The following SBNO2 variants were observed in gnomAD, a reference collection of about 807,000 sequenced individuals.
SBNO2 encodes protein strawberry notch homolog 2.
Under a neutral mutation model 146.3 loss-of-function variants are expected in SBNO2, and 89 were observed. The observed-to-expected ratio is 0.61, with a 90% CI of 0.51 to 0.73. SBNO2 has a LOEUF of 0.73. Ranked by LOEUF, SBNO2 falls within the 30% of genes least tolerant of loss-of-function variation. The pLI, the probability that SBNO2 is intolerant of heterozygous loss-of-function variation, is 0.00. For synonymous variants in SBNO2, 1,147 were observed against 892.6 expected (o/e 1.29, Z -5.08); for missense variants, 2,092 against 2,003.7 (o/e 1.04, Z -0.84).
chr19:1,122,684 G>A lies in SBNO2; in HGVS notation c.888C>T (p.His296=), dbSNP rs1474766831. The change falls in exon 9 of 32, where the codon CAC becomes CAT. Residue 296 remains histidine (H), a synonymous_variant. Transcript: ENST00000361757. Reference sequence around the variant, plus strand: ...ACAATGCTTTCTTCCGGCCGCGCAGGTGGTTCTCCAGGATGACTCCGGCCA... The same window carrying A: ...ACAATGCTTTCTTCCGGCCGCGCAGATGGTTCTCCAGGATGACTCCGGCCA... ...RTVAGVILEN[H]LRGRKKALWF... 23 of 1,535,900 alleles carry A rather than the reference G, an allele frequency of 1.5e-5. No individual in the cohort carries two copies. The highest frequency in any genetic ancestry group is 4.8e-5 in the South Asian group (4 of 84,032).
intron 2 of SBNO2, among the ~76,000 whole-genome samples, chr19:1,151,510 T>C (rs779381970): frequency 1.1e-4 from 16 of 152,196 alleles, no homozygotes; most frequent in Non-Finnish European, 2.2e-4. Context: ...AGGGGTGCCA[T>C]GGGCATGGCA....
Position 1,116,120 on chromosome 19 carries a change from G to T in SBNO2, c.1803-17C>A. On this transcript the variant is annotated splice_polypyrimidine_tract_variant and intron_variant, in intron 16 of 31. Transcript: ENST00000361757. ...AACACGCCTCTGAAAGTGAGACGCGGAGTTTATTCTCACACGAGGAGCTGA... is the reference window on the plus strand; with the variant it reads ...AACACGCCTCTGAAAGTGAGACGCGTAGTTTATTCTCACACGAGGAGCTGA... The T allele has an allele frequency of 6.3e-7, 1 of 1,598,786 alleles. No homozygotes were observed.
chr19:1,127,275 G>A (rs1173047963), intron 5 of SBNO2, among the ~76,000 whole-genome samples: 2 of 152,192 alleles, frequency 1.3e-5, no homozygotes, highest in African/African-American at 2.4e-5. Flanking sequence ...CGGGTGCGGT[G>A]GACACGGGGC....
intron 1 of SBNO2, among the ~76,000 whole-genome samples, chr19:1,155,469 A>T (rs998987428): frequency 6.6e-6 from 1 of 152,196 alleles, no homozygotes; most frequent in Admixed American, 6.5e-5. Context: ...ACCCACTGCC[A>T]CCAGAGCTGG....
chr19:1,169,342 G>A (rs2080456158), intron 1 of SBNO2, among the ~76,000 whole-genome samples: 1 of 152,360 alleles, frequency 6.6e-6, no homozygotes, highest in South Asian at 2.1e-4. Flanking sequence ...TGCGGCCCCA[G>A]GCTGAGGCCT....
chr19:1,172,622 G>A (rs1234656086), intron 1 of SBNO2, among the ~76,000 whole-genome samples: 5 of 152,204 alleles, frequency 3.3e-5, no homozygotes, highest in African/African-American at 1.2e-4. Flanking sequence ...GCCCTGGCCC[G>A]GAGGAAGAGG....
chr19:1,132,082 A>C, intron 4 of SBNO2: 1 of 1,530,532 alleles, frequency 6.5e-7, no homozygotes. Flanking sequence ...CCGGGAAGGG[A>C]GTGTTACCTT....
chr19:1,166,336 G>A (rs1429875467), intron 1 of SBNO2, among the ~76,000 whole-genome samples: 4 of 152,174 alleles, frequency 2.6e-5, no homozygotes, highest in South Asian at 2.1e-4. Context: ...GCCGGGCTGC[G>A]GGGCTCCAAA....
chr19:1,119,653 C>G (rs746226205), intron 12 of SBNO2, 32 bp from the exon 13 acceptor site: 45 of 1,553,830 alleles, frequency 2.9e-5, no homozygotes, highest in Non-Finnish European at 3.9e-5. Flanking sequence ...AGCTCCCCAA[C>G]CCGGGAGGGC....
chr19:1,122,155 T>C lies in SBNO2; in HGVS notation c.1133A>G (p.Glu378Gly). The change falls in exon 11 of 32, where the codon GAG becomes GGG. Residue 378 changes from glutamate to glycine, a missense_variant. Transcript: ENST00000361757. ...GCAGGATACGACGCCCTCGAAGGCCTCCCCACACCAGTCCAGGATCTGCCG... is the reference window on the plus strand; with the variant it reads ...GCAGGATACGACGCCCTCGAAGGCCCCCCCACACCAGTCCAGGATCTGCCG... ...RLRQILDWCG[E>G]AFEGVIVFDE... The C allele has an allele frequency of 7.0e-7, 1 of 1,432,208 alleles. No individual in the cohort carries two copies. The highest frequency in any genetic ancestry group is 9.2e-7 in the Non-Finnish European group (1 of 1,087,528). 88.7% of individuals were successfully genotyped at this position (1,432,208 alleles called of 1,614,324 possible).
chr19:1,162,478 G>A (rs1172570761), intron 1 of SBNO2, among the ~76,000 whole-genome samples: 7 of 149,298 alleles, frequency 4.7e-5, no homozygotes, highest in African/African-American at 1.2e-4. Flanking sequence ...AAAAAGAAAC[G>A]CTGTTGGGGG....
At chr19:1,119,775 G>A (rs986848063) in intron 12 of SBNO2, 131 bp downstream of exon 12, 1 of 935,246 alleles carries the variant, frequency 1.1e-6, no homozygotes, top group Non-Finnish European at 1.6e-6. Context: ...AGGCGCAGAG[G>A]TGCCCCAGTG....
At position 1,158,793 on chromosome 19, in the gene SBNO2, G is replaced by A. The variant is rs1016350115; in HGVS notation, c.-126-4391C>T. Among the ~76,000 whole-genome samples the A allele has an allele frequency of 4.6e-5, 7 of 152,142 alleles. No individual in the cohort carries two copies. Among genetic ancestry groups the A allele is most frequent in the South Asian group, 2.1e-4 (1 of 4,826 alleles). The stretch of plus-strand genomic sequence containing the variant: ...CAAGGAGCAGGCCCCCGGGTGTCCC[G>A]GGAACCCCGCACAGAGCCACGGCCA... On this transcript the variant is annotated intron_variant, in intron 1 of 31. Coordinates refer to ENST00000361757, the MANE Select transcript of SBNO2 (RefSeq NM_014963.3). This position sits in a 1 kb window ranked among gnomAD's most constrained non-coding sequence, Gnocchi z 9.9.
At chr19:1,127,018 C>T (rs1214542804) in intron 5 of SBNO2, among the ~76,000 whole-genome samples, 4 of 152,202 alleles carry the variant, frequency 2.6e-5, no homozygotes, top group Admixed American at 6.5e-5. Context: ...TCAGCCCCCA[C>T]GGACAATGTC....
intron 4 of SBNO2, among the ~76,000 whole-genome samples, chr19:1,143,684 C>G (rs960144565): frequency 6.6e-6 from 1 of 152,144 alleles, no homozygotes; most frequent in Non-Finnish European, 1.5e-5. Flanking sequence ...AGCGCAGGCT[C>G]TTCCCGTCTC....
intron 1 of SBNO2, among the ~76,000 whole-genome samples, chr19:1,168,440 G>C (rs1197858351): frequency 6.6e-6 from 1 of 152,126 alleles, no homozygotes; most frequent in Non-Finnish European, 1.5e-5. Context: ...TGCCCCACCA[G>C]TGAAAACATT....
intron 10 of SBNO2, 84 bp from the exon 11 acceptor site, chr19:1,122,366 G>T: frequency 6.6e-7 from 1 of 1,516,478 alleles, no homozygotes. Flanking sequence ...AAGGGTGCTG[G>T]GCAGAGCCTG....
intron 6 of SBNO2, 146 bp downstream of exon 6, chr19:1,123,796 G>A (rs1472373203): frequency 1.9e-6 from 2 of 1,054,498 alleles, no homozygotes; most frequent in Non-Finnish European, 2.7e-6. Flanking sequence ...GCTCCCCCAG[G>A]GCCTCCATCT....
intron 1 of SBNO2, among the ~76,000 whole-genome samples, chr19:1,167,836 G>A (rs534332186): frequency 1.4e-4 from 22 of 152,318 alleles, no homozygotes; most frequent in East Asian, 1.9e-4. Flanking sequence ...GCTCCTGAAC[G>A]GCCAGCCAGG....
Sources: allele counts gnomAD v4.1 joint callset (sites outside exome capture counted in the v4.1 genomes callset), GRCh38; gene constraint gnomAD v4.1.1; non-coding constraint Gnocchi (gnomAD v3.1); transcripts MANE v1.5; gene names NCBI Gene and HGNC (gene_info 2026-07-23, HGNC 2026-07-21).